The following LARGE1 variants were observed in gnomAD, a reference collection of about 807,000 sequenced individuals.
LARGE1 encodes the protein xylosyl- and glucuronyltransferase LARGE1.
LARGE1 carries 43 observed loss-of-function variants against 87.6 expected under a neutral mutation model. That is an observed-to-expected ratio of 0.49 (90% CI 0.38 to 0.63). The LOEUF (loss-of-function observed/expected upper bound fraction) is 0.63. Among genes scored for constraint, LARGE1 ranks in the 30% least tolerant of loss-of-function variants. The pLI, the probability that LARGE1 is intolerant of heterozygous loss-of-function variation, is 0.00. For synonymous variants in LARGE1, 434 were observed against 394.6 expected (o/e 1.10, Z -1.18); for missense variants, 802 against 1,000.2 (o/e 0.80, Z 2.67).
At chr22:33,822,251 T>C (rs777665863) in intron 1 of LARGE1, among the ~76,000 whole-genome samples, 5 of 152,196 alleles carry the variant, frequency 3.3e-5, no homozygotes, top group Non-Finnish European at 4.4e-5. Context: ...TGAGTTCTTA[T>C]AGCTGGTAGG....
At chr22:33,197,613 A>T (rs892331926) in intron 11 of LARGE1, among the ~76,000 whole-genome samples, 2 of 152,114 alleles carry the variant, frequency 1.3e-5, no homozygotes, top group East Asian at 3.9e-4. Flanking sequence ...ATAAATACAG[A>T]GTACTGTTGA....
At chr22:33,566,602 G>A (rs932151865) in intron 5 of LARGE1, among the ~76,000 whole-genome samples, 4 of 152,224 alleles carry the variant, frequency 2.6e-5, no homozygotes, top group African/African-American at 9.6e-5. Context: ...TGTGAAGAGC[G>A]AAAGAACAAA....
At chr22:33,145,088 C>CG in the LARGE1 span, among the ~76,000 whole-genome samples, 20 of 151,758 alleles carry the variant, frequency 1.3e-4, no homozygotes, top group African/African-American at 4.6e-4. Context: ...TGGGCCCTGA[C>CG]GGGGGAGGAG....
intron 7 of LARGE1, among the ~76,000 whole-genome samples, chr22:33,401,054 T>C (rs1029935551): frequency 1.3e-5 from 2 of 151,620 alleles, no homozygotes; most frequent in Admixed American, 6.6e-5. Context: ...GGAAAGAGAG[T>C]GTGTTTCTCC....
intron 9 of LARGE1, among the ~76,000 whole-genome samples, chr22:33,368,850 C>G (rs79355391): frequency 1.3e-3 from 203 of 152,288 alleles, no homozygotes; most frequent in African/African-American, 4.7e-3. Context: ...AAAATACGTA[C>G]TTTAATTAAG....
chr22:33,529,200 G>A (rs979823795), intron 6 of LARGE1, among the ~76,000 whole-genome samples: 1 of 152,156 alleles, frequency 6.6e-6, no homozygotes, highest in Non-Finnish European at 1.5e-5. Context: ...GAGTAGAAAT[G>A]GTGAGCCCTC....
In LARGE1 at chr22:33,914,736, A is replaced by G. The variant is rs1333579990; in HGVS notation, c.-83+5259T>C. 3.3e-5 allele frequency among the ~76,000 whole-genome samples: 5 copies of G among 152,144 alleles called. No individual in the cohort carries two copies. The East Asian group carries it at 7.7e-4, about 23-fold the overall frequency. On this transcript the variant is annotated intron_variant, in intron 1 of 14. Transcript: ENST00000397394. ...TAAGAAGGAGAAAACTAGACAACCT[A>G]AAGAGTGCTCAGTGTAGAGGCTAAG...
chr22:33,143,439 A>T, the LARGE1 span, among the ~76,000 whole-genome samples: 1 of 152,240 alleles, frequency 6.6e-6, no homozygotes, highest in Non-Finnish European at 1.5e-5. Context: ...CAGTAATAGG[A>T]CAGGTAAGAA....
intron 9 of LARGE1, among the ~76,000 whole-genome samples, chr22:33,369,156 C>T (rs1447883548): frequency 6.6e-6 from 1 of 152,214 alleles, no homozygotes; most frequent in African/African-American, 2.4e-5. Flanking sequence ...TCAAATCCTG[C>T]CCCTGCTTTA....
chr22:33,331,918 C>T (rs1428677208), intron 10 of LARGE1, among the ~76,000 whole-genome samples: 4 of 152,258 alleles, frequency 2.6e-5, no homozygotes, highest in Middle Eastern at 6.8e-3. Context: ...GATGCACCTT[C>T]TCTCCCTAGT....
chr22:33,481,493 G>C (rs1179440554), intron 6 of LARGE1, among the ~76,000 whole-genome samples: 2 of 151,986 alleles, frequency 1.3e-5, no homozygotes, highest in Non-Finnish European at 2.9e-5. Context: ...TTCTAGAATA[G>C]TTTGTTTCAA....
rs1475091109 is a variant in LARGE1 at position 33,273,068 on chromosome 22, G to A, written c.*1359C>T. 2 of 208,954 alleles carry A rather than the reference G, an allele frequency of 9.6e-6. No individual in the cohort carries two copies. The highest frequency in any genetic ancestry group is 4.6e-5 in the African/African-American group (2 of 43,608). 12.9% of individuals were successfully genotyped at this position (208,954 alleles called of 1,614,324 possible). On this transcript the variant is annotated 3_prime_UTR_variant, in exon 15 of 15. Coordinates refer to ENST00000397394, the MANE Select transcript of LARGE1 (RefSeq NM_133642.5). ...TCTCAGTAGCTTCCTGCAAGAGTGG[G>A]AGGGGAATGGGGAAGAAACAGTCTG...
At chr22:33,863,993 T>C (rs2064011982) in intron 1 of LARGE1, among the ~76,000 whole-genome samples, 1 of 152,160 alleles carries the variant, frequency 6.6e-6, no homozygotes, top group Non-Finnish European at 1.5e-5. Flanking sequence ...TCCAGGTGAA[T>C]GTGAGGCATA....
At chr22:33,582,681 C>G (rs144397890) in intron 5 of LARGE1, among the ~76,000 whole-genome samples, 1 of 152,202 alleles carries the variant, frequency 6.6e-6, no homozygotes, top group African/African-American at 2.4e-5. Flanking sequence ...CATCCAAAAC[C>G]CAACTTCACA....
chr22:33,124,972 A>G, the LARGE1 span, among the ~76,000 whole-genome samples: 3 of 152,184 alleles, frequency 2.0e-5, no homozygotes, highest in African/African-American at 7.2e-5. Context: ...GTAACAACAT[A>G]TGGGTGGTTT....
chr22:33,090,766 A>T, the LARGE1 span, among the ~76,000 whole-genome samples: 1 of 152,218 alleles, frequency 6.6e-6, no homozygotes, highest in East Asian at 1.9e-4. Context: ...GTATAAATAG[A>T]CCACAAAATT....
chr22:33,087,196 G>C, the LARGE1 span, among the ~76,000 whole-genome samples: 2 of 151,208 alleles, frequency 1.3e-5, no homozygotes, highest in African/African-American at 4.9e-5. Flanking sequence ...TCTAATCATA[G>C]TATTAATTTC....
intron 5 of LARGE1, among the ~76,000 whole-genome samples, chr22:33,568,784 A>T (rs1319431389): frequency 1.3e-5 from 2 of 151,618 alleles, no homozygotes; most frequent in Non-Finnish European, 2.9e-5. Context: ...AAAAAAAAAA[A>T]ATAAGCACAA....
At chr22:33,177,675 C>CTA (rs1450415572) in intron 11 of LARGE1, among the ~76,000 whole-genome samples, 1 of 152,078 alleles carries the variant, frequency 6.6e-6, no homozygotes, top group Non-Finnish European at 1.5e-5. Flanking sequence ...TAACAGATGA[C>CTA]TAGAGGTTGC....
Sources: gnomAD v4.1 joint callset for allele counts (sites outside exome capture counted in the v4.1 genomes callset) on GRCh38, gnomAD v4.1.1 for gene constraint, MANE v1.5 for transcripts, NCBI Gene and HGNC (gene_info 2026-07-23, HGNC 2026-07-21) for gene names.